Variants in EPHA6 observed in about 807,000 individuals in gnomAD.
EPHA6 encodes EPH receptor A6, also known as ephrin type-A receptor 6.
EPHA6 carries 50 observed loss-of-function variants against 112.0 expected under a neutral mutation model. That is an observed-to-expected ratio of 0.45 (90% confidence interval 0.36 to 0.56). The LOEUF (loss-of-function observed/expected upper bound fraction) is 0.56, where lower values mean the gene tolerates loss of function less well. EPHA6 is among the 20% of genes least tolerant of loss of function. The pLI is 0.00. For synonymous variants in EPHA6, 529 were observed against 490.7 expected (o/e 1.08, Z -1.03); for missense variants, 1,280 against 1,417.4 (o/e 0.90, Z 1.56).
intron 5 of EPHA6, among the ~76,000 whole-genome samples, chr3:97,268,982 C>T (rs751297098): frequency 6.6e-6 from 1 of 152,052 alleles, no homozygotes; most frequent in Admixed American, 6.6e-5. Context: ...TTACTTATGG[C>T]GTGGGAGAAC....
At position 97,286,827 on chromosome 3, in the gene EPHA6, G is replaced by A. The variant is rs140887516; in HGVS notation, c.1606+42540G>A. On this transcript the variant is annotated intron_variant, in intron 5 of 17. Coordinates refer to ENST00000389672, the MANE Select transcript of EPHA6 (RefSeq NM_001080448.3). Reference sequence around the variant, plus strand: ...TTGAATTGAATTATAGATTGCTTTCGGTAGTATGGTGATTTTAACAAAATT... The same window carrying A: ...TTGAATTGAATTATAGATTGCTTTCAGTAGTATGGTGATTTTAACAAAATT... Among the ~76,000 whole-genome samples, 469 of 151,600 alleles carry A rather than the reference G, an allele frequency of 3.1e-3. 1 individual carries two copies. The highest frequency in any genetic ancestry group is 6.8e-3 in the Middle Eastern group (2 of 292).
rs185532669 is a variant in EPHA6 at position 97,280,834 on chromosome 3, C to A, written c.1606+36547C>A. On this transcript the variant is annotated intron_variant, in intron 5 of 17. Transcript: ENST00000389672. ...AGTATTGAGTTAAATCTCTATTACCCTTTAATGTGTAACTATGAGCATATT... is the reference window on the plus strand; with the variant it reads ...AGTATTGAGTTAAATCTCTATTACCATTTAATGTGTAACTATGAGCATATT... 1.4e-3 allele frequency among the ~76,000 whole-genome samples: 207 copies of A among 152,210 alleles called. 1 individual carries two copies. The highest frequency in any genetic ancestry group is 4.7e-3 in the African/African-American group (197 of 41,542).
intron 2 of EPHA6, among the ~76,000 whole-genome samples, chr3:96,959,614 A>AT (rs2041886441): frequency 2.0e-5 from 3 of 152,156 alleles, no homozygotes; most frequent in African/African-American, 7.2e-5. Context: ...TTCTTTTAAG[A>AT]TTTTTATAGT....
chr3:97,670,666 T>C (rs1331563215), intron 14 of EPHA6, among the ~76,000 whole-genome samples: 1 of 152,202 alleles, frequency 6.6e-6, no homozygotes, highest in Non-Finnish European at 1.5e-5. Context: ...ATGGGATTCA[T>C]AATGCCTTCA....
intron 5 of EPHA6, among the ~76,000 whole-genome samples, chr3:97,367,142 G>T (rs2084781028): frequency 6.6e-6 from 1 of 152,172 alleles, no homozygotes; most frequent in Non-Finnish European, 1.5e-5. Flanking sequence ...CAGCGATTTT[G>T]TGAGGATACA....
chr3:97,329,145 C>G (rs972946389), intron 5 of EPHA6, among the ~76,000 whole-genome samples: 18 of 152,056 alleles, frequency 1.2e-4, no homozygotes, highest in Non-Finnish European at 2.6e-4. Flanking sequence ...AGGACATGAA[C>G]TCATCCTTTT....
At chr3:97,152,590 T>C (rs1472836884) in intron 3 of EPHA6, among the ~76,000 whole-genome samples, 1 of 152,004 alleles carries the variant, frequency 6.6e-6, no homozygotes, top group Non-Finnish European at 1.5e-5. Context: ...TTCAATAATA[T>C]GCAGAATTAG....
intron 12 of EPHA6, among the ~76,000 whole-genome samples, chr3:97,604,104 T>C (rs2093662337): frequency 6.6e-6 from 1 of 151,824 alleles, no homozygotes. Flanking sequence ...GAGGAGGCTA[T>C]AATAATATAC....
chr3:97,370,483 A>G (rs1354972255), intron 5 of EPHA6, among the ~76,000 whole-genome samples: 2 of 152,170 alleles, frequency 1.3e-5, no homozygotes, highest in Non-Finnish European at 2.9e-5. Flanking sequence ...GCTGTGCTTT[A>G]TAATATACAC....
intron 3 of EPHA6, among the ~76,000 whole-genome samples, chr3:97,191,723 A>G (rs80350244): frequency 0.022 from 3,382 of 152,186 alleles, 113 homozygotes; most frequent in African/African-American, 0.076. Flanking sequence ...TTCATCTGTT[A>G]CCATTAACAG....
intron 5 of EPHA6, among the ~76,000 whole-genome samples, chr3:97,269,234 T>C (rs561572226): frequency 6.6e-6 from 1 of 152,312 alleles, no homozygotes; most frequent in Non-Finnish European, 1.5e-5. Flanking sequence ...TCTCTGTTTC[T>C]TCCTCTGTTC....
At chr3:97,247,349 A>G (rs561245793) in intron 5 of EPHA6, among the ~76,000 whole-genome samples, 1 of 152,058 alleles carries the variant, frequency 6.6e-6, no homozygotes, top group African/African-American at 2.4e-5. Context: ...ATGTACCTTA[A>G]AGTCTGGTGG....
intron 12 of EPHA6, among the ~76,000 whole-genome samples, chr3:97,610,008 T>G (rs1185281816): frequency 6.6e-6 from 1 of 151,564 alleles, no homozygotes; most frequent in Non-Finnish European, 1.5e-5. Flanking sequence ...GTTATTTATG[T>G]CGAATATTCT....
intron 3 of EPHA6, among the ~76,000 whole-genome samples, chr3:97,101,281 A>G (rs1322482414): frequency 6.6e-6 from 1 of 152,046 alleles, no homozygotes; most frequent in Non-Finnish European, 1.5e-5. Flanking sequence ...CATTTTACAA[A>G]GGAAGATTCA....
At chr3:97,301,468 C>T (rs946277652) in intron 5 of EPHA6, among the ~76,000 whole-genome samples, 6 of 152,098 alleles carry the variant, frequency 3.9e-5, no homozygotes, top group South Asian at 2.1e-4. Context: ...CATTTATTCT[C>T]ACAATAGAAC....
chr3:97,092,297 G>A (rs527437049), intron 3 of EPHA6, among the ~76,000 whole-genome samples: 4 of 151,948 alleles, frequency 2.6e-5, no homozygotes, highest in Non-Finnish European at 5.9e-5. Context: ...GGATATCATA[G>A]AGAAGGTTGG....
At chr3:96,997,139 G>A (rs2107886836) in intron 3 of EPHA6, among the ~76,000 whole-genome samples, 1 of 152,044 alleles carries the variant, frequency 6.6e-6, no homozygotes, top group East Asian at 1.9e-4. Flanking sequence ...CAGCCTTCAT[G>A]GAATTTTTAA....
chr3:97,046,449 A>G (rs1409232709), intron 3 of EPHA6, among the ~76,000 whole-genome samples: 1 of 152,194 alleles, frequency 6.6e-6, no homozygotes, highest in Admixed American at 6.5e-5. Flanking sequence ...TTCAAAAAAC[A>G]TACTTCATTG....
intron 11 of EPHA6, among the ~76,000 whole-genome samples, chr3:97,584,067 TTA>T (rs1301075121): frequency 6.6e-6 from 1 of 152,136 alleles, no homozygotes; most frequent in East Asian, 1.9e-4. Flanking sequence ...ACATTAATAA[TTA>T]TATATATTTT....
Sources: allele counts gnomAD v4.1 joint callset (sites outside exome capture counted in the v4.1 genomes callset), GRCh38; gene constraint gnomAD v4.1.1; transcripts MANE v1.5; gene names NCBI Gene and HGNC (gene_info 2026-07-23, HGNC 2026-07-21).